Variants in CNTN5 observed in about 807,000 individuals in gnomAD.
CNTN5 encodes contactin 5.
In CNTN5, 77 loss-of-function variants were observed where a neutral mutation model predicts 129.1. That is an observed-to-expected ratio of 0.60 (90% CI 0.50 to 0.72). The LOEUF (loss-of-function observed/expected upper bound fraction) is 0.72, where lower values mean the gene tolerates loss of function less well. Among genes scored for constraint, CNTN5 ranks in the 30% least tolerant of loss-of-function variants. CNTN5 has a pLI of 0.00. For synonymous variants in CNTN5, 509 were observed against 465.6 expected (o/e 1.09, Z -1.20); for missense variants, 1,478 against 1,328.8 (o/e 1.11, Z -1.75).
intron 3 of CNTN5, among the ~76,000 whole-genome samples, chr11:99,735,937 CT>C (rs1943692051): frequency 6.6e-6 from 1 of 152,100 alleles, no homozygotes; most frequent in African/African-American, 2.4e-5. Context: ...CTCATTCATC[CT>C]CCCCCAGCCC....
At chr11:99,358,254 G>GTTTTTTTTTTTT (rs1938837823) in intron 2 of CNTN5, among the ~76,000 whole-genome samples, 1 of 4,816 alleles carries the variant, frequency 2.1e-4, no homozygotes, top group Non-Finnish European at 3.7e-4. Context: ...ACGCCCTGCT[G>GTTTTTTTTTTTT]ATTTTTTTTT....
At chr11:99,910,428 A>T (rs1319285723) in intron 6 of CNTN5, among the ~76,000 whole-genome samples, 1 of 152,008 alleles carries the variant, frequency 6.6e-6, no homozygotes, top group Non-Finnish European at 1.5e-5. Flanking sequence ...TGCTAATTTA[A>T]TTTTTTTCTC....
At chr11:99,450,275 TA>T (rs1944247040) in intron 2 of CNTN5, among the ~76,000 whole-genome samples, 1 of 150,426 alleles carries the variant, frequency 6.6e-6, no homozygotes, top group South Asian at 2.1e-4. Flanking sequence ...TATATATATA[TA>T]TATATATATG....
intron 2 of CNTN5, among the ~76,000 whole-genome samples, chr11:99,512,710 T>C (rs1259084066): frequency 6.6e-6 from 1 of 152,112 alleles, no homozygotes; most frequent in Admixed American, 6.6e-5. Context: ...GATGTCACTA[T>C]TGTAATTGTT....
intron 2 of CNTN5, among the ~76,000 whole-genome samples, chr11:99,390,594 G>C (rs1941210651): frequency 6.6e-6 from 1 of 151,932 alleles, no homozygotes; most frequent in Admixed American, 6.6e-5. Context: ...TTATCCATTT[G>C]CGTACAAACT....
intron 1 of CNTN5, among the ~76,000 whole-genome samples, chr11:99,242,400 A>G (rs1283169369): frequency 2.0e-5 from 3 of 152,164 alleles, no homozygotes; most frequent in African/African-American, 7.2e-5. Flanking sequence ...CATTAAGACA[A>G]CTATTAAATA....
At chr11:100,261,802 A>T (rs994075617) in intron 17 of CNTN5, among the ~76,000 whole-genome samples, 1 of 152,200 alleles carries the variant, frequency 6.6e-6, no homozygotes, top group Non-Finnish European at 1.5e-5. Flanking sequence ...TTAACTCAAG[A>T]TGGATTTAAG....
intron 8 of CNTN5, among the ~76,000 whole-genome samples, chr11:100,001,766 G>C (rs914252913): frequency 6.6e-6 from 1 of 152,228 alleles, no homozygotes; most frequent in East Asian, 1.9e-4. Flanking sequence ...ATTAGTAACT[G>C]TACTACTAAT....
intron 15 of CNTN5, among the ~76,000 whole-genome samples, chr11:100,210,409 T>C (rs1055706490): frequency 4.0e-5 from 6 of 151,826 alleles, no homozygotes; most frequent in Non-Finnish European, 8.8e-5. Context: ...ATAATTCTGT[T>C]TCCTATGAAA....
At chr11:100,287,150 T>C (rs1313964063) in intron 18 of CNTN5, among the ~76,000 whole-genome samples, 3 of 152,028 alleles carry the variant, frequency 2.0e-5, no homozygotes, top group Non-Finnish European at 2.9e-5. Flanking sequence ...CTGAAAGTGT[T>C]GGGGAGAATG....
At chr11:99,328,199 C>T (rs1865861212) in intron 2 of CNTN5, among the ~76,000 whole-genome samples, 1 of 152,132 alleles carries the variant, frequency 6.6e-6, no homozygotes, top group Non-Finnish European at 1.5e-5. Flanking sequence ...ATTAACAGTG[C>T]TACTACTTGC....
chr11:100,180,074 C>T (rs910754367), intron 13 of CNTN5, among the ~76,000 whole-genome samples: 1 of 152,002 alleles, frequency 6.6e-6, no homozygotes, highest in Admixed American at 6.6e-5. Context: ...CAACATTATG[C>T]TTAAACCCAA....
At chr11:100,139,479 C>A (rs1241261346) in intron 13 of CNTN5, among the ~76,000 whole-genome samples, 2 of 152,108 alleles carry the variant, frequency 1.3e-5, no homozygotes, top group East Asian at 1.9e-4. Flanking sequence ...TTGACCATAG[C>A]ATTTTAGTAA....
chr11:99,667,954 G>GA (rs71050015), intron 3 of CNTN5, among the ~76,000 whole-genome samples: 3 of 150,870 alleles, frequency 2.0e-5, no homozygotes, highest in South Asian at 2.1e-4. Flanking sequence ...TAAAGCAAAA[G>GA]AAAAAAAAAA....
chr11:99,696,982 C>A (rs967998303), intron 3 of CNTN5, among the ~76,000 whole-genome samples: 2 of 151,674 alleles, frequency 1.3e-5, no homozygotes, highest in Admixed American at 6.6e-5. Flanking sequence ...CCAAACAAAC[C>A]CTCTCTTGAT....
intron 3 of CNTN5, among the ~76,000 whole-genome samples, chr11:99,770,484 G>T (rs977252745): frequency 1.3e-5 from 2 of 151,736 alleles, no homozygotes; most frequent in Non-Finnish European, 2.9e-5. Flanking sequence ...AACATGTTCT[G>T]GAATAACTTA....
chr11:100,349,454 T>C (rs1952356753), intron 23 of CNTN5, among the ~76,000 whole-genome samples: 1 of 151,884 alleles, frequency 6.6e-6, no homozygotes, highest in Admixed American at 6.6e-5. Flanking sequence ...GGTCCTGTGC[T>C]AGGTATTCTA....
At chr11:99,813,585 G>A (rs1946494687) in intron 3 of CNTN5, among the ~76,000 whole-genome samples, 1 of 152,114 alleles carries the variant, frequency 6.6e-6, no homozygotes, top group African/African-American at 2.4e-5. Context: ...TCAAGTAACT[G>A]AGACTAAAGA....
intron 6 of CNTN5, among the ~76,000 whole-genome samples, chr11:99,888,181 C>T (rs763556912): frequency 3.3e-5 from 5 of 152,146 alleles, no homozygotes; most frequent in Non-Finnish European, 7.3e-5. Context: ...TATCATCGTT[C>T]CATGCACTTA....
Sources: allele counts gnomAD v4.1 joint callset (sites outside exome capture counted in the v4.1 genomes callset), GRCh38; gene constraint gnomAD v4.1.1; transcripts MANE v1.5; gene names NCBI Gene and HGNC (gene_info 2026-07-23, HGNC 2026-07-21).